Variants in BMP6 observed in about 807,000 individuals in gnomAD.
BMP6 encodes VG-1-R.
Under a neutral mutation model 54.1 loss-of-function variants are expected in BMP6, and 17 were observed. The observed-to-expected ratio is 0.31, with a 90% CI of 0.22 to 0.47. The LOEUF is 0.47. Ranked by LOEUF, BMP6 falls within the 20% of genes least tolerant of loss-of-function variation. BMP6 has a pLI of 1.00. For synonymous variants in BMP6, 328 were observed against 291.2 expected (o/e 1.13, Z -1.28); for missense variants, 720 against 690.4 (o/e 1.04, Z -0.48).
At chr6:7,729,960 C>T (rs1047838093) in intron 1 of BMP6, among the ~76,000 whole-genome samples, 1 of 152,228 alleles carries the variant, frequency 6.6e-6, no homozygotes, top group East Asian at 1.9e-4. Context: ...CCTGCCTCAG[C>T]CTCCTGAGTT....
chr6:7,732,584 G>T (rs1419234212), intron 1 of BMP6, among the ~76,000 whole-genome samples: 1 of 152,128 alleles, frequency 6.6e-6, no homozygotes, highest in Admixed American at 6.5e-5. Context: ...ATAATTTGTT[G>T]CCTCTCTGTG....
chr6:7,761,237 T>C (rs573054946), intron 1 of BMP6, among the ~76,000 whole-genome samples: 8 of 152,240 alleles, frequency 5.3e-5, no homozygotes, highest in Non-Finnish European at 1.2e-4. Context: ...CCAAAATGTT[T>C]GTGAAATCAC....
At chr6:7,839,142 A>T (rs866072811) in intron 1 of BMP6, among the ~76,000 whole-genome samples, 4 of 152,066 alleles carry the variant, frequency 2.6e-5, no homozygotes, top group African/African-American at 9.7e-5. Context: ...TAGATATTTG[A>T]GGAAATCTGA....
At chr6:7,739,302 C>A (rs1234255813) in intron 1 of BMP6, among the ~76,000 whole-genome samples, 1 of 152,136 alleles carries the variant, frequency 6.6e-6, no homozygotes, top group African/African-American at 2.4e-5. Flanking sequence ...GGGCACAAAT[C>A]CAAGAACTCT....
intron 4 of BMP6, among the ~76,000 whole-genome samples, chr6:7,868,560 C>T (rs193003461): frequency 8.5e-5 from 13 of 152,350 alleles, no homozygotes; most frequent in Admixed American, 3.3e-4. Flanking sequence ...GCCACTTTAA[C>T]GACCTCTATG....
intron 1 of BMP6, among the ~76,000 whole-genome samples, chr6:7,763,042 C>T (rs180926118): frequency 9.2e-5 from 14 of 152,372 alleles, no homozygotes; most frequent in South Asian, 2.1e-4. Context: ...AACTCCTATG[C>T]GCCTTTGCAT....
chr6:7,774,735 C>T (rs571034669), intron 1 of BMP6, among the ~76,000 whole-genome samples: 33 of 152,346 alleles, frequency 2.2e-4, no homozygotes, highest in Non-Finnish European at 4.0e-4. Context: ...ATACATTTTC[C>T]TGGACCCTCA....
chr6:7,827,979 A>G (rs1758726685), intron 1 of BMP6, among the ~76,000 whole-genome samples: 1 of 152,188 alleles, frequency 6.6e-6, no homozygotes. Flanking sequence ...TGTGATTTAT[A>G]TTTTTTAAGA....
rs542177717 is a variant in BMP6, at chr6:7,837,397, G to A, written c.665-7743G>A. Among the ~76,000 whole-genome samples, 15 of 152,268 alleles carry A rather than the reference G, an allele frequency of 9.9e-5. No individual in the cohort carries two copies. The South Asian group carries it at 2.7e-3, about 27-fold the overall frequency. On this transcript the variant is annotated intron_variant, in intron 1 of 6. Coordinates refer to ENST00000283147, the MANE Select transcript of BMP6 (RefSeq NM_001718.6). ...TTAGTAAGATCAAGGAAAAGTGAAC[G>A]TACAAATTCGGATGAAAAAGGAGAA...
intron 1 of BMP6, among the ~76,000 whole-genome samples, chr6:7,762,079 G>A (rs1039649442): frequency 1.3e-5 from 2 of 152,040 alleles, no homozygotes; most frequent in South Asian, 4.1e-4. Context: ...CCGCCACCAT[G>A]TCTGGCTAAT....
intron 1 of BMP6, among the ~76,000 whole-genome samples, chr6:7,794,886 A>G (rs1311091236): frequency 6.6e-6 from 1 of 152,164 alleles, no homozygotes; most frequent in Non-Finnish European, 1.5e-5. Context: ...TCTAAGGGAT[A>G]CCCAACAGTG....
At chr6:7,833,812 C>T (rs1758828646) in intron 1 of BMP6, among the ~76,000 whole-genome samples, 2 of 152,064 alleles carry the variant, frequency 1.3e-5, no homozygotes, top group Non-Finnish European at 2.9e-5. Flanking sequence ...GGAATGTGTC[C>T]CACATGTTAT....
intron 1 of BMP6, among the ~76,000 whole-genome samples, chr6:7,822,423 A>G (rs1758625661): frequency 6.6e-6 from 1 of 152,098 alleles, no homozygotes; most frequent in African/African-American, 2.4e-5. Flanking sequence ...TGTTCACTGG[A>G]TCAGGTCCCT....
intron 1 of BMP6, among the ~76,000 whole-genome samples, chr6:7,774,721 CACAAT>C (rs1400217981): frequency 7.9e-5 from 12 of 152,228 alleles, no homozygotes; most frequent in African/African-American, 2.9e-4. Context: ...AAAAGATCAA[CACAAT>C]ACATTTTCCT....
intron 4 of BMP6, among the ~76,000 whole-genome samples, chr6:7,863,893 G>A (rs1438732137): frequency 6.6e-6 from 1 of 152,052 alleles, no homozygotes; most frequent in Non-Finnish European, 1.5e-5. Context: ...GGTGGCATGT[G>A]CCTGTAATCC....
At chr6:7,878,235 C>T (rs1759652678) in intron 4 of BMP6, among the ~76,000 whole-genome samples, 2 of 152,130 alleles carry the variant, frequency 1.3e-5, no homozygotes, top group Admixed American at 1.3e-4. Flanking sequence ...TGTTTTACAC[C>T]ACCCCTTCAT....
At chr6:7,854,065 T>C (rs1388519117) in intron 2 of BMP6, among the ~76,000 whole-genome samples, 1 of 152,252 alleles carries the variant, frequency 6.6e-6, no homozygotes. Flanking sequence ...CATTTTATGC[T>C]GGCGGGAAGA....
At chr6:7,782,771 C>T (rs10452670) in intron 1 of BMP6, among the ~76,000 whole-genome samples, 5,507 of 152,048 alleles carry the variant, frequency 0.036, 251 homozygotes, top group African/African-American at 0.11. Flanking sequence ...ATAGAGCAGA[C>T]GAGACAGCCC....
At chr6:7,859,274 TTAAAAA>T (rs1759297868) in intron 2 of BMP6, among the ~76,000 whole-genome samples, 1 of 152,074 alleles carries the variant, frequency 6.6e-6, no homozygotes, top group African/African-American at 2.4e-5. Flanking sequence ...ACCCTGATCT[TTAAAAA>T]TAAAAGCTCA....
Sources: allele counts gnomAD v4.1 joint callset (sites outside exome capture counted in the v4.1 genomes callset), GRCh38; gene constraint gnomAD v4.1.1; transcripts MANE v1.5; gene names NCBI Gene and HGNC (gene_info 2026-07-23, HGNC 2026-07-21).